Variants in MYBL1 observed in about 807,000 individuals in gnomAD.
MYBL1 encodes the protein MYB proto-oncogene like 1.
MYBL1 carries 17 observed loss-of-function variants against 96.3 expected under a neutral mutation model. That is an observed-to-expected ratio of 0.18 (90% CI 0.12 to 0.26). The LOEUF is 0.26. Ranked by LOEUF, MYBL1 falls within the 10% of genes least tolerant of loss-of-function variation. MYBL1 has a pLI of 1.00. For missense variants in MYBL1, 701 were observed against 882.9 expected (o/e 0.79, Z 2.61); for synonymous variants, 282 against 292.7 (o/e 0.96, Z 0.37).
At chr8:66,579,663 A>AC (rs1809121126) in intron 9 of MYBL1, among the ~76,000 whole-genome samples, 2 of 152,046 alleles carry the variant, frequency 1.3e-5, no homozygotes, top group African/African-American at 4.8e-5. Context: ...TCTTAAAAAA[A>AC]AAAAAATCAA....
At chr8:66,601,641 T>C (rs949134084) in intron 3 of MYBL1, 57 bp downstream of exon 3, 24 of 999,704 alleles carry the variant, frequency 2.4e-5, no homozygotes, top group Non-Finnish European at 3.6e-5. Flanking sequence ...AAATAGCAAA[T>C]TTAACCCAAT....
intron 4 of MYBL1, among the ~76,000 whole-genome samples, chr8:66,598,143 G>A (rs1809926962): frequency 6.6e-6 from 1 of 152,068 alleles, no homozygotes; most frequent in Non-Finnish European, 1.5e-5. Context: ...TTCACTATAT[G>A]TGTCTATTTA....
At chr8:66,593,399 T>C (rs1809729259) in intron 6 of MYBL1, among the ~76,000 whole-genome samples, 1 of 152,216 alleles carries the variant, frequency 6.6e-6, no homozygotes, top group African/African-American at 2.4e-5. Context: ...TTAAAAGTCG[T>C]AACACTTAGA....
In MYBL1 at chr8:66,592,828, T is replaced by C. The variant is rs185138233; in HGVS notation, c.763-284A>G. On this transcript the variant is annotated intron_variant, in intron 7 of 15. Coordinates refer to ENST00000522677, the MANE Select transcript of MYBL1 (RefSeq NM_001080416.4). Reference sequence around the variant, plus strand: ...GTCTGAAATATTTTATATTTTTAAATCTTAATAAATATATTCTATACAATT... The same window carrying C: ...GTCTGAAATATTTTATATTTTTAAACCTTAATAAATATATTCTATACAATT... Among the ~76,000 whole-genome samples, 66 of 152,254 alleles carry C rather than the reference T, an allele frequency of 4.3e-4. No individual in the cohort carries two copies. The Middle Eastern group carries it at 0.01, about 24-fold the overall frequency.
At chr8:66,572,170 A>G (rs1164114486) in intron 12 of MYBL1, among the ~76,000 whole-genome samples, 1 of 151,876 alleles carries the variant, frequency 6.6e-6, no homozygotes, top group Non-Finnish European at 1.5e-5. Flanking sequence ...AAATACAAAA[A>G]TTAGCTGGGT....
rs1204525217 is a variant in MYBL1, at chr8:66,580,118, CA to C, written c.1101+14del. On this transcript the variant is annotated intron_variant, in intron 9 of 15. Coordinates refer to ENST00000522677, the MANE Select transcript of MYBL1 (RefSeq NM_001080416.4). ...TAAAATTGAACTTTTGATAATCTTA[CA>C]ATTTTTTACTTACAGATTCAATAAG... 1.3e-6 allele frequency: 2 copies of C among 1,558,282 alleles called. No homozygotes were observed. The highest frequency in any genetic ancestry group is 1.8e-6 in the Non-Finnish European group (2 of 1,135,886).
chr8:66,567,100 C>A, intron 12 of MYBL1, 108 bp from the exon 13 acceptor site: 1 of 671,564 alleles, frequency 1.5e-6, no homozygotes, highest in African/African-American at 1.8e-5. Context: ...TCATAATTTT[C>A]TCCTAGCCCC....
chr8:66,611,351 C>T (rs543566865), intron 1 of MYBL1, among the ~76,000 whole-genome samples: 2 of 152,098 alleles, frequency 1.3e-5, no homozygotes, highest in South Asian at 2.1e-4. Flanking sequence ...ACCAGTACTT[C>T]GGCAATCATA....
chr8:66,580,048 T>C lies in MYBL1; in HGVS notation c.1101+85A>G, dbSNP rs553060583. On this transcript the variant is annotated intron_variant, in intron 9 of 15. Coordinates refer to ENST00000522677, the MANE Select transcript of MYBL1 (RefSeq NM_001080416.4). ...AAGCATGGCATACAAAACATAAAAC[T>C]GGTCAATGTCCAAAACTGAGTTTCT... The C allele has an allele frequency of 4.0e-6, 4 of 995,546 alleles. No homozygotes were observed. The East Asian group carries it at 1.1e-4, about 26-fold the overall frequency. The allele number at this position is 995,546 out of a possible 1,614,324, so 61.7% of individuals were successfully genotyped here.
intron 1 of MYBL1, 26 bp downstream of exon 1, chr8:66,612,793 G>C (rs1810585664): frequency 7.4e-7 from 1 of 1,359,338 alleles, no homozygotes; most frequent in African/African-American, 1.5e-5. Context: ...GCGCCGACAG[G>C]CCTGGGCGAA....
At chr8:66,602,734 T>TATATATATATATATA (rs1491369207) in intron 1 of MYBL1, among the ~76,000 whole-genome samples, 1 of 25,906 alleles carries the variant, frequency 3.9e-5, no homozygotes, top group African/African-American at 2.0e-4. Flanking sequence ...TATATATATA[T>TATATATATATATATA]TTTTTTTTTT....
chr8:66,576,108 G>C lies in MYBL1; in HGVS notation c.1369C>G (p.His457Asp). 6.2e-7 allele frequency: 1 copy of C among 1,613,982 alleles called. No individual in the cohort carries two copies. Among genetic ancestry groups the C allele is most frequent in the South Asian group, 1.1e-5 (1 of 91,080 alleles). The stretch of plus-strand genomic sequence containing the variant: ...TCCCTAAGTTCGCTGCCTGGGGAAT[G>C]ACCCACTCGCATTTTTCTCTTCTTT... ...LRKKRKMRVG[H>D]SPGSELRDGS... Residue 457 changes from histidine (H) to aspartate (D), a missense_variant, in exon 10 of 16, where the codon CAT (histidine) becomes GAT (aspartate). Around this residue, in one of 5 missense-constraint regions of MYBL1, gnomAD observed 396 missense variants for 407.4 expected, o/e 0.97. Coordinates refer to ENST00000522677, the MANE Select transcript of MYBL1 (RefSeq NM_001080416.4).
Position 66,566,250 on chromosome 8 carries a change from G to C in MYBL1, c.1951-7C>G. 1 of 1,430,710 alleles carries C rather than the reference G, an allele frequency of 7.0e-7. No individual in the cohort carries two copies. The highest frequency in any genetic ancestry group is 1.3e-5 in the South Asian group (1 of 75,338). 88.6% of individuals were successfully genotyped at this position (1,430,710 alleles called of 1,614,324 possible). A position where few individuals can be genotyped will look rare whatever the true frequency, so the allele number is the denominator to read the frequency against. ...TAGTAAATCTATTTTCTGACTAAGA[G>C]AGAAAAAAGAAAGAGGAAAATAACT... On this transcript the variant is annotated splice_region_variant and splice_polypyrimidine_tract_variant and intron_variant, in intron 14 of 15. Coordinates refer to ENST00000522677, the MANE Select transcript of MYBL1 (RefSeq NM_001080416.4).
intron 1 of MYBL1, among the ~76,000 whole-genome samples, chr8:66,609,029 AAGTGATTAG>A (rs2130076594): frequency 6.6e-6 from 1 of 152,238 alleles, no homozygotes; most frequent in South Asian, 2.1e-4. Flanking sequence ...CTGTGAATTA[AAGTGATTAG>A]GGTGATTATA....
chr8:66,593,012 T>C lies in MYBL1; in HGVS notation c.762+108A>G, dbSNP rs189921567. On this transcript the variant is annotated intron_variant, in intron 7 of 15. Transcript: ENST00000522677. ...GTTAGAGTACTCCAAGTAGGACAGA[T>C]CGTATTATTTTTATACTAGTTTAAT... 2,624 of 671,554 alleles carry C rather than the reference T, an allele frequency of 3.9e-3. 6 individuals are homozygous for C. The highest frequency in any genetic ancestry group is 5.7e-3 in the Non-Finnish European group (2,228 of 393,324). The allele number at this position is 671,554 out of a possible 1,614,324, so 41.6% of individuals were successfully genotyped here. A position where few individuals can be genotyped will look rare whatever the true frequency, so the allele number is the denominator to read the frequency against.
intron 1 of MYBL1, among the ~76,000 whole-genome samples, chr8:66,604,438 G>A (rs540976359): frequency 2.6e-5 from 4 of 151,540 alleles, no homozygotes; most frequent in African/African-American, 4.8e-5. Flanking sequence ...CAGGAGAATC[G>A]CTTGTACCCA....
rs771618603 is a variant in MYBL1, at chr8:66,573,436, C to A, written c.1541G>T (p.Cys514Phe). The A allele has an allele frequency of 9.9e-6, 16 of 1,612,340 alleles. No homozygotes were observed. In the East Asian group the frequency reaches 3.6e-4, roughly 36 times the overall value. Residue 514 changes from cysteine (C) to phenylalanine (F), a missense_variant, in exon 11 of 16, where the codon TGT (cysteine) becomes TTT (phenylalanine). By Grantham distance (205) the Cys-to-Phe change is radical. Around this residue, in one of 5 missense-constraint regions of MYBL1, gnomAD observed 396 missense variants for 407.4 expected, o/e 0.97. Transcript: ENST00000522677. ...AGTTGTAATGAGAGCTTTCTGCCCA[C>A]AAATAGGGGTTGATGTAAATGAAGG... The part of the protein sequence containing the change: ...ENPSFTSTPI[C>F]GQKALITTPL...
At chr8:66,566,375 T>C (rs1808503447) in intron 14 of MYBL1, 132 bp from the exon 15 acceptor site, 2 of 537,252 alleles carry the variant, frequency 3.7e-6, no homozygotes, top group Non-Finnish European at 3.1e-6. Context: ...ATGAAATTTC[T>C]AGTAATGTAG....
In MYBL1 at chr8:66,563,309, CA is replaced by C. The variant is rs1006552110; in HGVS notation, c.*1387del. 7 of 152,260 alleles carry C rather than the reference CA, an allele frequency of 4.6e-5. No individual in the cohort carries two copies. Among genetic ancestry groups the C allele is most frequent in the Non-Finnish European group, 7.4e-5 (5 of 67,960 alleles). 9.4% of individuals were successfully genotyped at this position (152,260 alleles called of 1,614,324 possible). A position where few individuals can be genotyped will look rare whatever the true frequency, so the allele number is the denominator to read the frequency against. ...GAGAGTGTGTCAATTATAAATAATT[CA>C]AACTACAGTGTACAATTCTATTTAC... On this transcript the variant is annotated 3_prime_UTR_variant, in exon 16 of 16. Coordinates refer to ENST00000522677, the MANE Select transcript of MYBL1 (RefSeq NM_001080416.4).
Sources: allele counts gnomAD v4.1 joint callset (sites outside exome capture counted in the v4.1 genomes callset), GRCh38; gene constraint gnomAD v4.1.1; regional missense constraint gnomAD v4.1.1; transcripts MANE v1.5; gene names NCBI Gene and HGNC (gene_info 2026-07-23, HGNC 2026-07-21).